RNF138: variants seen among roughly 807,000 people sequenced by gnomAD.
RNF138 encodes the protein E3 ubiquitin-protein ligase RNF138.
RNF138 carries 12 observed loss-of-function variants against 31.0 expected under a neutral mutation model. The observed-to-expected ratio is 0.39, with a 90% CI of 0.25 to 0.63. The LOEUF is 0.63. Among genes scored for constraint, RNF138 ranks in the 20% least tolerant of loss-of-function variants. The pLI is 0.52. For missense variants in RNF138, 192 were observed against 300.1 expected (o/e 0.64, Z 2.66); for synonymous variants, 105 against 99.5 (o/e 1.06, Z -0.33).
chr18:32,130,759 CTT>C lies in RNF138; in HGVS notation c.*1574_*1575del, dbSNP rs2040461409. On this transcript the variant is annotated 3_prime_UTR_variant, in exon 8 of 8. Transcript: ENST00000261593. ...ACCTTTTTCAGTCAAACAGTAAAGA[CTT>C]TATTTATGGATTGTAATAACAACCA... The C allele has an allele frequency of 6.6e-6, 1 of 152,334 alleles. No homozygotes were observed. The highest frequency in any genetic ancestry group is 2.4e-5 in the African/African-American group (1 of 41,418). The allele number at this position is 152,334 out of a possible 1,614,324, so 9.4% of individuals were successfully genotyped here.
chr18:32,103,334 G>T (rs2039973642), intron 2 of RNF138, among the ~76,000 whole-genome samples: 1 of 151,926 alleles, frequency 6.6e-6, no homozygotes, highest in Non-Finnish European at 1.5e-5. Flanking sequence ...GACTACAGGT[G>T]CACACCACCA....
chr18:32,099,469 C>G (rs1269216420), intron 2 of RNF138, among the ~76,000 whole-genome samples: 1 of 152,160 alleles, frequency 6.6e-6, no homozygotes, highest in African/African-American at 2.4e-5. Flanking sequence ...GTGGTGCAGT[C>G]TTGGCTCACC....
chr18:32,093,596 T>C (rs1357980194), intron 2 of RNF138, among the ~76,000 whole-genome samples: 1 of 152,224 alleles, frequency 6.6e-6, no homozygotes, highest in Non-Finnish European at 1.5e-5. Flanking sequence ...TGCTTACTTA[T>C]TACTTGATTA....
chr18:32,112,996 G>T (rs535814114), intron 3 of RNF138, among the ~76,000 whole-genome samples: 2 of 152,130 alleles, frequency 1.3e-5, no homozygotes, highest in Admixed American at 1.3e-4. Context: ...GGGCAATGAC[G>T]TGAAGCTGGA....
intron 3 of RNF138, 86 bp downstream of exon 3, chr18:32,112,005 T>C: frequency 2.3e-6 from 3 of 1,277,558 alleles, no homozygotes; most frequent in Non-Finnish European, 3.2e-6. Context: ...TGGTGTTTTT[T>C]TTTTTTTTGA....
intron 2 of RNF138, among the ~76,000 whole-genome samples, chr18:32,094,580 C>G (rs1027849086): frequency 6.6e-6 from 1 of 151,770 alleles, no homozygotes; most frequent in African/African-American, 2.4e-5. Flanking sequence ...AACCTTGTTA[C>G]AGGGTCAGCA....
At chr18:32,095,031 A>G (rs2039780126) in intron 2 of RNF138, among the ~76,000 whole-genome samples, 1 of 152,214 alleles carries the variant, frequency 6.6e-6, no homozygotes, top group Non-Finnish European at 1.5e-5. Flanking sequence ...TATTGTACGT[A>G]GACAGTTCTG....
chr18:32,111,784 G>A lies in RNF138; in HGVS notation c.141G>A (p.Met47Ile). 1 of 1,612,764 alleles carries A rather than the reference G, an allele frequency of 6.2e-7. No homozygotes were observed. Among genetic ancestry groups the A allele is most frequent in the Non-Finnish European group, 8.5e-7 (1 of 1,179,756 alleles). Residue 47 changes from methionine (M) to isoleucine (I), a missense_variant, in exon 3 of 8, where the codon ATG becomes ATA. By Grantham distance (10) the Met-to-Ile change is conservative. Transcript: ENST00000261593. ...GTAGAAAATGTTTCCTGACTGCAATGAGGGAAAGCGGAGCACATTGTCCCC... is the reference window on the plus strand; with the variant it reads ...GTAGAAAATGTTTCCTGACTGCAATAAGGGAAAGCGGAGCACATTGTCCCC... ...VFCRKCFLTA[M>I]RESGAHCPLC...
chr18:32,092,904 C>G lies in RNF138; in HGVS notation c.110+18C>G, dbSNP rs553816262. The G allele has an allele frequency of 4.9e-6, 7 of 1,429,370 alleles. No homozygotes were observed. Among genetic ancestry groups the G allele is most frequent in the African/African-American group, 1.5e-5 (1 of 68,208 alleles). 88.5% of individuals were successfully genotyped at this position (1,429,370 alleles called of 1,614,324 possible). The stretch of plus-strand genomic sequence containing the variant: ...CAGCACGTGTGAGTAGACGCCCCCT[C>G]CCCCTCGCGGAGCCGGGTTGTCGCT... On this transcript the variant is annotated intron_variant, in intron 2 of 7. Coordinates refer to ENST00000261593, the MANE Select transcript of RNF138 (RefSeq NM_016271.5).
At chr18:32,100,152 G>A (rs186012946) in intron 2 of RNF138, among the ~76,000 whole-genome samples, 1 of 152,034 alleles carries the variant, frequency 6.6e-6, no homozygotes, top group Admixed American at 6.6e-5. Flanking sequence ...ATTGTAAAGA[G>A]CAAATAGATA....
At chr18:32,126,240 A>G (rs1008567233) in intron 6 of RNF138, among the ~76,000 whole-genome samples, 2 of 152,256 alleles carry the variant, frequency 1.3e-5, no homozygotes, top group African/African-American at 4.8e-5. Flanking sequence ...GTTTTAAGAA[A>G]AGAAAAGAAA....
chr18:32,108,756 C>T (rs1296416265), intron 2 of RNF138, among the ~76,000 whole-genome samples: 2 of 152,110 alleles, frequency 1.3e-5, no homozygotes, highest in African/African-American at 4.8e-5. Flanking sequence ...GCAGCCTTGA[C>T]CCCCTGGACT....
At chr18:32,096,145 A>G (rs977251884) in intron 2 of RNF138, among the ~76,000 whole-genome samples, 11 of 152,208 alleles carry the variant, frequency 7.2e-5, no homozygotes, top group Non-Finnish European at 1.3e-4. Flanking sequence ...TTTCCTGAAA[A>G]CCTATTAAAT....
rs1203194550 is a variant in RNF138, at chr18:32,129,171, T to C, written c.722T>C (p.Phe241Ser). Reference protein sequence around the residue: ...TQYQTAVEESFQVNI With the variant: ...TQYQTAVEESSQVNI ...TACCAAACTGCTGTTGAAGAATCTTTTCAAGTAAACATCTGAAGGCTGTAG... is the reference window on the plus strand; with the variant it reads ...TACCAAACTGCTGTTGAAGAATCTTCTCAAGTAAACATCTGAAGGCTGTAG... Residue 241 changes from phenylalanine (F) to serine (S), a missense_variant, in exon 8 of 8, where the codon TTT (phenylalanine) becomes TCT (serine). Physicochemically the swap from Phe to Ser is radical, Grantham distance 155. Around this residue, in one of 2 missense-constraint regions of RNF138, gnomAD observed 140 missense variants for 251.7 expected, o/e 0.56. Transcript: ENST00000261593. 6.2e-7 allele frequency: 1 copy of C among 1,612,086 alleles called. No individual in the cohort carries two copies. The highest frequency in any genetic ancestry group is 2.2e-5 in the East Asian group (1 of 44,786).
In RNF138 at chr18:32,130,863, C is replaced by T. The variant is rs1028337431; in HGVS notation, c.*1676C>T. 2 of 152,306 alleles carry T rather than the reference C, an allele frequency of 1.3e-5. No homozygotes were observed. Among genetic ancestry groups the T allele is most frequent in the Non-Finnish European group, 1.5e-5 (1 of 67,858 alleles). The allele number at this position is 152,306 out of a possible 1,614,324, so 9.4% of individuals were successfully genotyped here. A position where few individuals can be genotyped will look rare whatever the true frequency, so the allele number is the denominator to read the frequency against. ...AAGAGTGGTGTTTACTATGTGTGTG[C>T]TTGAGCATTTTCTTTCAGTTACATG... On this transcript the variant is annotated 3_prime_UTR_variant, in exon 8 of 8. Transcript: ENST00000261593.
intron 2 of RNF138, among the ~76,000 whole-genome samples, chr18:32,097,888 A>G (rs1259363590): frequency 6.6e-6 from 1 of 151,532 alleles, no homozygotes; most frequent in Non-Finnish European, 1.5e-5. Context: ...ATATATGTGT[A>G]TGTATATGTG....
intron 2 of RNF138, among the ~76,000 whole-genome samples, chr18:32,108,595 A>G (rs1468960496): frequency 6.6e-6 from 1 of 152,086 alleles, no homozygotes; most frequent in African/African-American, 2.4e-5. Context: ...TATAGTTTTC[A>G]GTTTGGGGCT....
chr18:32,093,167 G>A (rs368833655), intron 2 of RNF138, among the ~76,000 whole-genome samples: 17 of 150,966 alleles, frequency 1.1e-4, no homozygotes, highest in Middle Eastern at 3.4e-3. Flanking sequence ...TCGCGCCCCC[G>A]GGGCAGTGGC....
intron 1 of RNF138, 99 bp from the exon 2 acceptor site, chr18:32,092,601 C>T: frequency 5.1e-6 from 3 of 589,872 alleles, no homozygotes; most frequent in South Asian, 2.0e-5. Context: ...GCGGCAGTAG[C>T]GTCTCTGCGT....
Sources: gnomAD v4.1 joint callset for allele counts (sites outside exome capture counted in the v4.1 genomes callset) on GRCh38, gnomAD v4.1.1 for gene constraint, gnomAD v4.1.1 regional missense constraint, MANE v1.5 for transcripts, NCBI Gene and HGNC (gene_info 2026-07-23, HGNC 2026-07-21) for gene names.